ADCYAP1R1: variants seen among roughly 807,000 people sequenced by gnomAD.
ADCYAP1R1 encodes the protein ADCYAP receptor type I, also known as pituitary adenylate cyclase-activating polypeptide type I receptor.
Under a neutral mutation model 67.6 loss-of-function variants are expected in ADCYAP1R1, and 44 were observed. The observed-to-expected ratio is 0.65, with a 90% CI of 0.51 to 0.84. The LOEUF (loss-of-function observed/expected upper bound fraction) is 0.84. Ranked by LOEUF, ADCYAP1R1 falls within the 40% of genes least tolerant of loss-of-function variation. The pLI is 0.00. For missense variants in ADCYAP1R1, 477 were observed against 587.9 expected, an observed-to-expected ratio of 0.81 and a Z score of 1.95; for synonymous variants, 222 against 219.6, an observed-to-expected ratio of 1.01 and a Z score of -0.10.
chr7:31,101,970 A>G (rs1796456236), intron 13 of ADCYAP1R1, among the ~76,000 whole-genome samples: 1 of 152,174 alleles, frequency 6.6e-6, no homozygotes, highest in South Asian at 2.1e-4. Flanking sequence ...CTCTGCCTAA[A>G]GATCTCCTCA....
chr7:31,073,864 A>G (rs1339172789), intron 3 of ADCYAP1R1, among the ~76,000 whole-genome samples: 2 of 152,174 alleles, frequency 1.3e-5, no homozygotes, highest in East Asian at 3.9e-4. Context: ...CTGAGGTCTC[A>G]TTCTAGGTTT....
Position 31,106,423 on chromosome 7 carries a change from C to T in ADCYAP1R1, c.1219-73C>T, listed in dbSNP as rs564450740. On this transcript the variant is annotated intron_variant, in intron 15 of 15. Transcript: ENST00000304166. ...TGGCACTGCCAGCCTGGGAAGGGCC[C>T]CAGGCCAGGACAGGGCCTGGAGGCT... is the stretch of plus-strand genomic sequence containing the variant. 1.3e-4 allele frequency: 201 copies of T among 1,508,474 alleles called. 1 individual carries two copies. The African/African-American group carries it at 2.4e-3, about 18-fold the overall frequency. 93.4% of individuals were successfully genotyped at this position (1,508,474 alleles called of 1,614,324 possible).
In ADCYAP1R1 at chr7:31,087,018, G is replaced by A. The variant is rs770891378; in HGVS notation, c.884+15G>A. 1.2e-6 allele frequency: 2 copies of A among 1,614,082 alleles called. No homozygotes were observed. Among genetic ancestry groups the A allele is most frequent in the Admixed American group, 1.7e-5 (1 of 60,022 alleles). On this transcript the variant is annotated intron_variant, in intron 11 of 15. Transcript: ENST00000304166. Reference sequence around the variant, plus strand: ...GATGACACAGGGTTAGTACATGCGCGAGAGTCAGGGCCACAGCACAGAGTA... The same window carrying A: ...GATGACACAGGGTTAGTACATGCGCAAGAGTCAGGGCCACAGCACAGAGTA...
chr7:31,104,681 C>T (rs933157943), intron 14 of ADCYAP1R1, among the ~76,000 whole-genome samples, 187 bp from the exon 15 acceptor site: 9 of 152,070 alleles, frequency 5.9e-5, no homozygotes, highest in African/African-American at 9.7e-5. Flanking sequence ...CCACCAGCCA[C>T]GTGGCCTCAT....
In ADCYAP1R1 at chr7:31,073,794, T is replaced by C. The variant is rs191927655; in HGVS notation, c.158-4197T>C. On this transcript the variant is annotated intron_variant, in intron 3 of 15. Coordinates refer to ENST00000304166, the MANE Select transcript of ADCYAP1R1 (RefSeq NM_001118.5). The stretch of plus-strand genomic sequence containing the variant: ...ACCCCAGCAATGCAGGCTAGAGGGC[T>C]GGATGGAGGCCTTCAAGCTCTCGAT... Among the ~76,000 whole-genome samples the C allele has an allele frequency of 3.0e-4, 45 of 152,288 alleles. No individual in the cohort carries two copies. The East Asian group carries it at 8.5e-3, about 29-fold the overall frequency.
At chr7:31,105,156 G>A (rs995882356) in intron 15 of ADCYAP1R1, among the ~76,000 whole-genome samples, 1 of 152,250 alleles carries the variant, frequency 6.6e-6, no homozygotes, top group Admixed American at 6.5e-5. Context: ...CCCACCCAAA[G>A]AGCAAAGCTC....
At chr7:31,071,536 C>T (rs546897609) in intron 3 of ADCYAP1R1, among the ~76,000 whole-genome samples, 1 of 152,172 alleles carries the variant, frequency 6.6e-6, no homozygotes, top group Admixed American at 6.5e-5. Context: ...GGAACTTGGC[C>T]TGGGCTGCAC....
chr7:31,075,892 A>G (rs905074722), intron 3 of ADCYAP1R1, among the ~76,000 whole-genome samples: 6 of 152,154 alleles, frequency 3.9e-5, no homozygotes, highest in Non-Finnish European at 8.8e-5. Context: ...ACAAGGTTTC[A>G]AGGTAAAACC....
chr7:31,077,748 CTG>C (rs758880320), intron 3 of ADCYAP1R1, among the ~76,000 whole-genome samples: 34 of 134,020 alleles, frequency 2.5e-4, no homozygotes, highest in Middle Eastern at 4.9e-3. Context: ...ATGTATGTTG[CTG>C]TGTGGTGTCT....
intron 12 of ADCYAP1R1, among the ~76,000 whole-genome samples, chr7:31,090,946 T>G (rs2128633301): frequency 1.3e-5 from 2 of 152,344 alleles, no homozygotes; most frequent in Middle Eastern, 6.8e-3. Context: ...GTAATGGGAT[T>G]GCTGGGTCTA....
chr7:31,103,261 G>A lies in ADCYAP1R1; in HGVS notation c.1071G>A (p.Leu357=). Residue 357 remains leucine, a synonymous_variant, in exon 14 of 16, where the codon CTG becomes CTA. Coordinates refer to ENST00000304166, the MANE Select transcript of ADCYAP1R1 (RefSeq NM_001118.5). The stretch of plus-strand genomic sequence containing the variant: ...GGCGACTGGCCCGGTCCACCCTGCT[G>A]CTCATCCCACTATTCGGAATCCACT... The part of the protein sequence containing the change: ...IYLRLARSTL[L]LIPLFGIHYT... The A allele has an allele frequency of 6.2e-7, 1 of 1,614,108 alleles. No individual in the cohort carries two copies. Among genetic ancestry groups the A allele is most frequent in the Non-Finnish European group, 8.5e-7 (1 of 1,180,000 alleles).
In ADCYAP1R1 at chr7:31,077,610, ATG is replaced by A. The variant is rs1205136750; in HGVS notation, c.158-371_158-370del. 1.6e-4 allele frequency among the ~76,000 whole-genome samples: 15 copies of A among 96,138 alleles called. No individual in the cohort carries two copies. In the South Asian group the frequency reaches 2.5e-3, roughly 16 times the overall value. 63.1% of individuals were successfully genotyped at this position (96,138 alleles called of 152,430 possible). ...TGTGTGTGATGTGTGTGTTGTGTGA[ATG>A]TGTGTGTGTAGTGTGTATGATATAT... On this transcript the variant is annotated intron_variant, in intron 3 of 15. Transcript: ENST00000304166.
In ADCYAP1R1 at chr7:31,084,151, G is replaced by A; in HGVS notation, c.339G>A (p.Val113=). Residue 113 remains valine (V), a synonymous_variant, in exon 7 of 16, where the codon GTG becomes GTA. Transcript: ENST00000304166. Reference sequence around the variant, plus strand: ...TTCTTTTTGCTGCAGACATGGGAGTGGTGAGCCGGAACTGCACGGAGGATG... The same window carrying A: ...TTCTTTTTGCTGCAGACATGGGAGTAGTGAGCCGGAACTGCACGGAGGATG... The part of the protein sequence containing the change: ...SNSLDLSDMG[V]VSRNCTEDGW... 1.2e-6 allele frequency: 2 copies of A among 1,614,116 alleles called. No homozygotes were observed. The highest frequency in any genetic ancestry group is 1.7e-6 in the Non-Finnish European group (2 of 1,180,000).
chr7:31,084,302 AT>A, intron 7 of ADCYAP1R1, 52 bp downstream of exon 7: 1 of 1,513,458 alleles, frequency 6.6e-7, no homozygotes, highest in Non-Finnish European at 9.2e-7. Context: ...GGCTGAGGAA[AT>A]TTAGGTCAGT....
chr7:31,094,619 A>C (rs79075258), intron 13 of ADCYAP1R1, among the ~76,000 whole-genome samples: 1 of 151,976 alleles, frequency 6.6e-6, no homozygotes, highest in African/African-American at 2.4e-5. Context: ...AGGATACCCT[A>C]CTGAACCCTG....
At position 31,102,948 on chromosome 7, in the gene ADCYAP1R1, A is replaced by G. The variant is rs1281799278; in HGVS notation, c.1047-289A>G. On this transcript the variant is annotated intron_variant, in intron 13 of 15. Coordinates refer to ENST00000304166, the MANE Select transcript of ADCYAP1R1 (RefSeq NM_001118.5). This position sits in a 1 kb window ranked among gnomAD's most constrained non-coding sequence, Gnocchi z 4.3. ...TGTTTTGCCCTGACTTTGCTTTTCC[A>G]GAAGGTTTTGCACGTCACCCAAGGG... 1.3e-5 allele frequency among the ~76,000 whole-genome samples: 2 copies of G among 152,176 alleles called. No homozygotes were observed. Among genetic ancestry groups the G allele is most frequent in the East Asian group, 3.9e-4 (2 of 5,188 alleles).
In ADCYAP1R1 at chr7:31,081,764, T is replaced by A. The variant is rs1257587146; in HGVS notation, c.328+10T>A. ...TCCTTAGATCTCTCAGGTAAGGGGTTAGGCTGGGGTTGACCATGGACTGGC... is the reference window on the plus strand; with the variant it reads ...TCCTTAGATCTCTCAGGTAAGGGGTAAGGCTGGGGTTGACCATGGACTGGC... On this transcript the variant is annotated intron_variant, in intron 6 of 15. Transcript: ENST00000304166. 1 of 1,593,464 alleles carries A rather than the reference T, an allele frequency of 6.3e-7. No individual in the cohort carries two copies. The highest frequency in any genetic ancestry group is 8.5e-7 in the Non-Finnish European group (1 of 1,170,024).
chr7:31,060,511 T>A (rs1434125315), intron 1 of ADCYAP1R1, among the ~76,000 whole-genome samples: 2 of 151,958 alleles, frequency 1.3e-5, no homozygotes, highest in Non-Finnish European at 2.9e-5. Flanking sequence ...GGTGTGTGTG[T>A]GTGTGTGTGG....
Position 31,084,255 on chromosome 7 carries a change from G to C in ADCYAP1R1, c.438+5G>C, listed in dbSNP as rs372937332. On this transcript the variant is annotated splice_donor_5th_base_variant and intron_variant, in intron 7 of 15. Coordinates refer to ENST00000304166, the MANE Select transcript of ADCYAP1R1 (RefSeq NM_001118.5). ...GAATCTGAGACTGGGGACCAGGTGA[G>C]TGTCTGCACCCTGCTCCCCAGAGGT... 38 of 1,611,768 alleles carry C rather than the reference G, an allele frequency of 2.4e-5. No homozygotes were observed. The highest frequency in any genetic ancestry group is 5.3e-5 in the African/African-American group (4 of 74,854).
Sources: gnomAD v4.1 joint callset for allele counts (sites outside exome capture counted in the v4.1 genomes callset) on GRCh38, gnomAD v4.1.1 for gene constraint, Gnocchi (gnomAD v3.1) non-coding constraint, MANE v1.5 for transcripts, NCBI Gene and HGNC (gene_info 2026-07-23, HGNC 2026-07-21) for gene names.